Variants in SEPTIN11 observed in about 807,000 individuals in gnomAD.
The protein encoded by SEPTIN11 is septin 11.
SEPTIN11 carries 25 observed loss-of-function variants against 51.4 expected under a neutral mutation model. The ratio of observed to expected loss-of-function variants is 0.49; its 90% CI spans 0.35 to 0.68. SEPTIN11 has a LOEUF of 0.68. Among genes scored for constraint, SEPTIN11 ranks in the 30% least tolerant of loss-of-function variants. The pLI is 0.00. For missense variants in SEPTIN11, 381 were observed against 520.8 expected, an observed-to-expected ratio of 0.73 and a Z score of 2.61; for synonymous variants, 174 against 184.1, an observed-to-expected ratio of 0.95 and a Z score of 0.44.
chr4:77,019,966 T>C lies in SEPTIN11; in HGVS notation c.785-536T>C, dbSNP rs557976325. Among the ~76,000 whole-genome samples, 73 of 152,372 alleles carry C rather than the reference T, an allele frequency of 4.8e-4. 1 individual carries two copies. The highest frequency in any genetic ancestry group is 2.4e-4 in the Non-Finnish European group (16 of 68,044). ...ATCCCTGGGAAAAATACAATTTTTCTTACTCTTACTAATTTCTCTACAATA... is the reference window on the plus strand; with the variant it reads ...ATCCCTGGGAAAAATACAATTTTTCCTACTCTTACTAATTTCTCTACAATA... On this transcript the variant is annotated intron_variant, in intron 6 of 9. Coordinates refer to ENST00000264893, the MANE Select transcript of SEPTIN11 (RefSeq NM_018243.4).
intron 1 of SEPTIN11, among the ~76,000 whole-genome samples, chr4:76,975,177 A>G (rs1448630540): frequency 6.6e-6 from 1 of 151,492 alleles, no homozygotes; most frequent in Non-Finnish European, 1.5e-5. Flanking sequence ...TAAAAGGCTT[A>G]TTGAACACAG....
At chr4:76,989,825 C>T (rs1723258299) in intron 1 of SEPTIN11, among the ~76,000 whole-genome samples, 1 of 152,186 alleles carries the variant, frequency 6.6e-6, no homozygotes, top group Non-Finnish European at 1.5e-5. Flanking sequence ...TAGGCTATCC[C>T]ATATATCCTA....
intron 2 of SEPTIN11, among the ~76,000 whole-genome samples, chr4:76,999,367 G>A (rs1382760786): frequency 1.3e-5 from 2 of 152,156 alleles, no homozygotes; most frequent in East Asian, 3.9e-4. Flanking sequence ...CAAAATATTT[G>A]GACGGCCTCG....
chr4:77,011,997 G>T, intron 4 of SEPTIN11, 76 bp downstream of exon 4: 1 of 1,313,170 alleles, frequency 7.6e-7, no homozygotes, highest in Non-Finnish European at 1.1e-6. Context: ...TTTGTTCTCT[G>T]CTTTCAGTGT....
chr4:76,957,755 C>A (rs143265887), intron 1 of SEPTIN11, among the ~76,000 whole-genome samples: 6 of 152,116 alleles, frequency 3.9e-5, no homozygotes, highest in African/African-American at 1.4e-4. Context: ...ACCTTAGAGG[C>A]ACGGATCAAG....
chr4:77,001,374 GTC>G (rs1253414482), intron 2 of SEPTIN11, among the ~76,000 whole-genome samples: 14 of 149,814 alleles, frequency 9.3e-5, no homozygotes, highest in African/African-American at 3.2e-4. Flanking sequence ...TAAAGATGGA[GTC>G]TCTCACTCTG....
chr4:76,992,254 T>C (rs1723421331), intron 1 of SEPTIN11, among the ~76,000 whole-genome samples: 1 of 152,248 alleles, frequency 6.6e-6, no homozygotes, highest in African/African-American at 2.4e-5. Flanking sequence ...CAGTTCTAAT[T>C]CTCAATTTCC....
chr4:76,996,416 A>G lies in SEPTIN11; in HGVS notation c.28-9A>G. 2.5e-6 allele frequency: 4 copies of G among 1,603,252 alleles called. No individual in the cohort carries two copies. Among genetic ancestry groups the G allele is most frequent in the Non-Finnish European group, 3.4e-6 (4 of 1,170,096 alleles). The stretch of plus-strand genomic sequence containing the variant: ...TGGACACTCAAATCTTTCTCCCCTG[A>G]AATTGCAGAATGAAGAGCTTCGAAA... On this transcript the variant is annotated splice_polypyrimidine_tract_variant and intron_variant, in intron 1 of 9. Transcript: ENST00000264893.
At chr4:77,001,059 T>C (rs1481686133) in intron 2 of SEPTIN11, among the ~76,000 whole-genome samples, 2 of 152,126 alleles carry the variant, frequency 1.3e-5, no homozygotes, top group South Asian at 2.1e-4. Flanking sequence ...CCTCTGTTTT[T>C]CCCCCGCCTT....
At chr4:77,015,060 G>T (rs377514047) in intron 5 of SEPTIN11, 43 bp downstream of exon 5, 12 of 1,591,744 alleles carry the variant, frequency 7.5e-6, no homozygotes, top group Non-Finnish European at 9.5e-6. Flanking sequence ...TTTTATGAAC[G>T]CCTGTCTTAG....
intron 2 of SEPTIN11, among the ~76,000 whole-genome samples, chr4:76,998,046 T>G (rs1239093317): frequency 6.6e-6 from 1 of 152,004 alleles, no homozygotes; most frequent in Non-Finnish European, 1.5e-5. Flanking sequence ...GGCTGACTCC[T>G]TGTGTTAAAT....
intron 1 of SEPTIN11, among the ~76,000 whole-genome samples, chr4:76,954,915 A>AT (rs1236256520): frequency 2.0e-5 from 3 of 151,472 alleles, no homozygotes; most frequent in South Asian, 2.1e-4. Context: ...TAAAAGGACC[A>AT]TTTTTCTGAC....
intron 2 of SEPTIN11, among the ~76,000 whole-genome samples, chr4:77,005,392 T>C (rs985051667): frequency 1.1e-4 from 16 of 152,248 alleles, no homozygotes; most frequent in African/African-American, 3.6e-4. Flanking sequence ...ATCTCTCTGC[T>C]AAATAGTTTC....
At chr4:77,039,154 TG>T, downstream of SEPTIN11, 1 of 1,280,634 alleles carries the variant, frequency 7.8e-7, no homozygotes, top group African/African-American at 1.5e-5. Flanking sequence ...AGGAGCTGTC[TG>T]TTCACACGTG....
chr4:77,003,413 T>A (rs1724261663), intron 2 of SEPTIN11, among the ~76,000 whole-genome samples: 1 of 152,232 alleles, frequency 6.6e-6, no homozygotes, highest in Non-Finnish European at 1.5e-5. Context: ...TATTCAGTCA[T>A]GTTCTAGACC....
rs879038741 is a variant in SEPTIN11 at position 77,036,503 on chromosome 4, A to T, written c.*1991A>T. ...TCTCTTGCATCACTAAAATTTTTTT[A>T]AAATGAGCATAACAACGAAAGGCAT... On this transcript the variant is annotated 3_prime_UTR_variant, in exon 10 of 10. Transcript: ENST00000264893. The T allele has an allele frequency of 8.3e-6, 11 of 1,329,078 alleles. No homozygotes were observed. In the African/African-American group the frequency reaches 1.1e-4, roughly 13 times the overall value. 82.3% of individuals were successfully genotyped at this position (1,329,078 alleles called of 1,614,324 possible).
intron 2 of SEPTIN11, among the ~76,000 whole-genome samples, chr4:77,001,947 T>TG (rs1343207625): frequency 6.6e-6 from 1 of 152,154 alleles, no homozygotes; most frequent in Non-Finnish European, 1.5e-5. Context: ...GAGACTAGCA[T>TG]GGGGAACACA....
intron 1 of SEPTIN11, among the ~76,000 whole-genome samples, chr4:76,950,955 G>C (rs994851118): frequency 6.6e-6 from 1 of 152,206 alleles, no homozygotes; most frequent in African/African-American, 2.4e-5. Flanking sequence ...ACTGGCTTTG[G>C]GGGCGCCTCG....
At chr4:77,031,233 C>T in intron 9 of SEPTIN11, 1 of 385,210 alleles carries the variant, frequency 2.6e-6, no homozygotes, top group Non-Finnish European at 4.6e-6. Context: ...ATCTTCCACA[C>T]CAACACTAGG....
Sources: allele counts gnomAD v4.1 joint callset (sites outside exome capture counted in the v4.1 genomes callset), GRCh38; gene constraint gnomAD v4.1.1; transcripts MANE v1.5; gene names NCBI Gene and HGNC (gene_info 2026-07-23, HGNC 2026-07-21).